The following DGKI variants were observed in gnomAD, a reference collection of about 807,000 sequenced individuals.
DGKI encodes the protein DAG kinase iota.
Under a neutral mutation model 147.5 loss-of-function variants are expected in DGKI, and 55 were observed. That is an observed-to-expected ratio of 0.37 (90% CI 0.30 to 0.47). The LOEUF is 0.47. Among genes scored for constraint, DGKI ranks in the 20% least tolerant of loss-of-function variants. The pLI is 1.00. For missense variants in DGKI, 1,007 were observed against 1,323.8 expected, an observed-to-expected ratio of 0.76 and a Z score of 3.71; for synonymous variants, 469 against 477.1, an observed-to-expected ratio of 0.98 and a Z score of 0.22.
intron 3 of DGKI, among the ~76,000 whole-genome samples, chr7:137,668,124 G>C (rs566229726): frequency 1.3e-5 from 2 of 152,158 alleles, no homozygotes; most frequent in African/African-American, 4.8e-5. Context: ...TTTGCTAGTG[G>C]TAACCTGGGG....
chr7:137,620,475 T>C (rs2128997463), intron 7 of DGKI, among the ~76,000 whole-genome samples: 1 of 152,288 alleles, frequency 6.6e-6, no homozygotes, highest in South Asian at 2.1e-4. Flanking sequence ...TCCCAGGTTG[T>C]CTTTCCGGTT....
At chr7:137,664,659 A>T (rs1004391892) in intron 3 of DGKI, among the ~76,000 whole-genome samples, 1 of 152,150 alleles carries the variant, frequency 6.6e-6, no homozygotes, top group African/African-American at 2.4e-5. Context: ...AAACCTTGGA[A>T]TATTTATTTG....
At chr7:137,429,072 C>T (rs1368367149) in intron 28 of DGKI, among the ~76,000 whole-genome samples, 2 of 152,022 alleles carry the variant, frequency 1.3e-5, no homozygotes, top group Non-Finnish European at 2.9e-5. Context: ...CATATGGAAC[C>T]AAAAAAGAGC....
intron 1 of DGKI, among the ~76,000 whole-genome samples, chr7:137,778,507 G>A (rs183655465): frequency 2.6e-5 from 4 of 152,034 alleles, no homozygotes; most frequent in African/African-American, 9.7e-5. Flanking sequence ...GAAAGAGGAG[G>A]CAAGAAGGAG....
At chr7:137,651,448 C>T (rs924615958) in intron 5 of DGKI, among the ~76,000 whole-genome samples, 1 of 152,134 alleles carries the variant, frequency 6.6e-6, no homozygotes, top group Non-Finnish European at 1.5e-5. Context: ...GATTAACAGC[C>T]ATCTCATTTC....
At chr7:137,646,187 C>T (rs6467713) in intron 5 of DGKI, among the ~76,000 whole-genome samples, 12,573 of 152,178 alleles carry the variant, frequency 0.083, 1,659 homozygotes, top group African/African-American at 0.28. Flanking sequence ...CAGGCAGACA[C>T]TATACCAAAC....
chr7:137,715,425 C>T (rs904557243), intron 1 of DGKI, among the ~76,000 whole-genome samples: 4 of 152,200 alleles, frequency 2.6e-5, no homozygotes, highest in African/African-American at 9.6e-5. Flanking sequence ...CTGGCCAAAA[C>T]AATGTGTCAG....
At chr7:137,727,283 A>G (rs897036578) in intron 1 of DGKI, among the ~76,000 whole-genome samples, 5 of 152,184 alleles carry the variant, frequency 3.3e-5, no homozygotes, top group African/African-American at 9.7e-5. Flanking sequence ...GCAGATGTTC[A>G]ATAAGTAAAT....
chr7:137,679,990 C>CAAAAAAAA (rs768437551), intron 2 of DGKI, among the ~76,000 whole-genome samples: 8 of 54,078 alleles, frequency 1.5e-4, no homozygotes, highest in African/African-American at 3.7e-4. Flanking sequence ...GACTCCATCT[C>CAAAAAAAA]AAAAAAAAAA....
chr7:137,392,473 G>T (rs1425602545), intron 32 of DGKI, among the ~76,000 whole-genome samples: 1 of 152,194 alleles, frequency 6.6e-6, no homozygotes, highest in African/African-American at 2.4e-5. Context: ...ATGCACACAA[G>T]TGTTATAAAT....
At chr7:137,605,068 G>A (rs1323408475) in intron 10 of DGKI, among the ~76,000 whole-genome samples, 2 of 152,100 alleles carry the variant, frequency 1.3e-5, no homozygotes, top group African/African-American at 4.8e-5. Context: ...AGCACTTTGG[G>A]AGGCCAAGGC....
At chr7:137,600,909 G>C (rs1303970754) in intron 10 of DGKI, among the ~76,000 whole-genome samples, 1 of 152,146 alleles carries the variant, frequency 6.6e-6, no homozygotes, top group Non-Finnish European at 1.5e-5. Context: ...GACATTTATA[G>C]AGATCATCAT....
intron 14 of DGKI, among the ~76,000 whole-genome samples, chr7:137,582,408 C>T (rs1240139578): frequency 6.7e-6 from 1 of 149,640 alleles, no homozygotes; most frequent in East Asian, 1.9e-4. Context: ...TTATCCATCA[C>T]CCATTTTCTC....
chr7:137,645,569 T>C (rs745329416), intron 5 of DGKI, 32 bp from the exon 6 acceptor site: 1 of 1,578,804 alleles, frequency 6.3e-7, no homozygotes, highest in African/African-American at 1.4e-5. Context: ...TGAATATTTT[T>C]AAAAATTTAT....
intron 8 of DGKI, among the ~76,000 whole-genome samples, chr7:137,617,124 C>CAAAAAAAAAAAAAAA (rs60654879): frequency 2.1e-5 from 1 of 48,130 alleles, no homozygotes; most frequent in Admixed American, 2.9e-4. Context: ...TCCCTTTTAC[C>CAAAAAAAAAAAAAAA]AAAAAAAAAA....
rs1339958529 is a variant in DGKI, at chr7:137,846,157, TCTCTCA to T, written c.401+299_401+304del. On this transcript the variant is annotated intron_variant, in intron 1 of 32. Coordinates refer to ENST00000614521, the MANE Select transcript of DGKI (RefSeq NM_001321708.2). This position sits in a 1 kb window ranked among gnomAD's most constrained non-coding sequence, Gnocchi z 4.0. ...CTTTCTCTCTCTCTCTCTCTCTCTCTCTCTCACACACACACACACACACACACACAC... is the reference window on the plus strand; with the variant it reads ...CTTTCTCTCTCTCTCTCTCTCTCTCTCACACACACACACACACACACACAC... Among the ~76,000 whole-genome samples, 62 of 138,598 alleles carry T rather than the reference TCTCTCA, an allele frequency of 4.5e-4. No individual in the cohort carries two copies. Among genetic ancestry groups the T allele is most frequent in the African/African-American group, 1.0e-3 (34 of 33,946 alleles). The allele number at this position is 138,598 out of a possible 152,430, so 90.9% of individuals were successfully genotyped here. A position where few individuals can be genotyped will look rare whatever the true frequency, so the allele number is the denominator to read the frequency against.
At chr7:137,764,251 G>A (rs1316144652) in intron 1 of DGKI, among the ~76,000 whole-genome samples, 1 of 152,098 alleles carries the variant, frequency 6.6e-6, no homozygotes, top group Non-Finnish European at 1.5e-5. Context: ...AAAGCTTCCT[G>A]AGCACACCAG....
intron 1 of DGKI, among the ~76,000 whole-genome samples, chr7:137,711,905 G>A (rs1465274333): frequency 2.6e-5 from 4 of 151,642 alleles, no homozygotes; most frequent in Admixed American, 2.6e-4. Context: ...CGTTGGCCAG[G>A]ATGGTCTCAA....
chr7:137,490,710 C>G (rs1190615156), intron 21 of DGKI, among the ~76,000 whole-genome samples: 1 of 152,222 alleles, frequency 6.6e-6, no homozygotes, highest in East Asian at 1.9e-4. Context: ...GCTTCCTTGA[C>G]ATTTCCTCTA....
Sources: gnomAD v4.1 joint callset for allele counts (sites outside exome capture counted in the v4.1 genomes callset) on GRCh38, gnomAD v4.1.1 for gene constraint, Gnocchi (gnomAD v3.1) non-coding constraint, MANE v1.5 for transcripts, NCBI Gene and HGNC (gene_info 2026-07-23, HGNC 2026-07-21) for gene names.